The following SLC28A3 variants were observed in gnomAD, a reference collection of about 807,000 sequenced individuals.
SLC28A3 encodes the protein concentrative Na(+)-nucleoside cotransporter 3.
In SLC28A3, 68 loss-of-function variants were observed where a neutral mutation model predicts 84.2. The observed-to-expected ratio is 0.81, with a 90% CI of 0.66 to 0.99. The LOEUF is 0.99. Ranked by LOEUF, SLC28A3 falls within the 50% of genes least tolerant of loss-of-function variation. The pLI, the probability that SLC28A3 is intolerant of heterozygous loss-of-function variation, is 0.00. For synonymous variants in SLC28A3, 267 were observed against 303.6 expected (o/e 0.88, Z 1.25); for missense variants, 712 against 841.5 (o/e 0.85, Z 1.90).
rs12350413 is a variant in SLC28A3 at position 84,277,901 on chromosome 9, G to A, written c.*317C>T. 1.2e-5 allele frequency: 3 copies of A among 257,912 alleles called. No individual in the cohort carries two copies. Among genetic ancestry groups the A allele is most frequent in the Non-Finnish European group, 1.5e-5 (2 of 132,960 alleles). The allele number at this position is 257,912 out of a possible 1,614,324, so 16.0% of individuals were successfully genotyped here. A position where few individuals can be genotyped will look rare whatever the true frequency, so the allele number is the denominator to read the frequency against. The stretch of plus-strand genomic sequence containing the variant: ...GAGTCAGAGCCCAGTTGTTGGGAGC[G>A]GCCGTTTATAGCTGTATTCTGGTGA... On this transcript the variant is annotated 3_prime_UTR_variant, in exon 18 of 18. Transcript: ENST00000376238.
At chr9:84,292,878 G>T (rs370303329) in intron 9 of SLC28A3, 130 bp from the exon 10 acceptor site, 1 of 597,750 alleles carries the variant, frequency 1.7e-6, no homozygotes. Flanking sequence ...GCTAATGATG[G>T]AGCTAAAGGT....
At chr9:84,295,852 G>T (rs1358359452) in intron 8 of SLC28A3, among the ~76,000 whole-genome samples, 2 of 152,044 alleles carry the variant, frequency 1.3e-5, no homozygotes, top group Non-Finnish European at 2.9e-5. Flanking sequence ...ATTTGTACAG[G>T]ATCTAATTTA....
intron 8 of SLC28A3, among the ~76,000 whole-genome samples, chr9:84,296,863 A>G (rs546301771): frequency 6.6e-6 from 1 of 152,356 alleles, no homozygotes; most frequent in South Asian, 2.1e-4. Flanking sequence ...TCACTGCCAC[A>G]TGCCTACTTG....
At chr9:84,289,288 T>G (rs527892003) in intron 11 of SLC28A3, among the ~76,000 whole-genome samples, 1 of 152,332 alleles carries the variant, frequency 6.6e-6, no homozygotes, top group East Asian at 1.9e-4. Context: ...GATGAAGACC[T>G]ACAATGAAGC....
At chr9:84,356,446 T>G in the SLC28A3 span, among the ~76,000 whole-genome samples, 1,032 of 152,298 alleles carry the variant, frequency 6.8e-3, 11 homozygotes, top group African/African-American at 0.024. Flanking sequence ...AGTGTGACTA[T>G]CTGCTAAATC....
At chr9:84,290,929 GATGGGT>G (rs1178401741) in intron 10 of SLC28A3, among the ~76,000 whole-genome samples, 3 of 152,182 alleles carry the variant, frequency 2.0e-5, no homozygotes, top group Non-Finnish European at 4.4e-5. Flanking sequence ...ACCCCTCTCT[GATGGGT>G]GGAAAGGAAG....
In SLC28A3 at chr9:84,289,654, A is replaced by G. The variant is rs186844556; in HGVS notation, c.1149+500T>C. 2.0e-5 allele frequency among the ~76,000 whole-genome samples: 3 copies of G among 152,348 alleles called. No individual in the cohort carries two copies. The East Asian group carries it at 5.8e-4, about 29-fold the overall frequency. ...ACTGCTCTAGACCAGGGGTCAGAAA[A>G]GTTTTTCTGTAAAGGGCCAGAGAAT... On this transcript the variant is annotated intron_variant, in intron 11 of 17. Coordinates refer to ENST00000376238, the MANE Select transcript of SLC28A3 (RefSeq NM_001199633.2).
intron 7 of SLC28A3, 136 bp from the exon 8 acceptor site, chr9:84,297,434 T>C: frequency 1.5e-6 from 1 of 652,494 alleles, no homozygotes; most frequent in East Asian, 2.7e-5. Context: ...TGTTCTCAGC[T>C]TTGCCCCCTC....
At chr9:84,309,850 A>G (rs942851731) in intron 2 of SLC28A3, 136 bp from the exon 3 acceptor site, 1 of 676,080 alleles carries the variant, frequency 1.5e-6, no homozygotes, top group Non-Finnish European at 2.5e-6. Context: ...GATGGCTCCT[A>G]TTATCTACTG....
chr9:84,280,394 A>C (rs1184050088), intron 15 of SLC28A3, among the ~76,000 whole-genome samples: 1 of 152,186 alleles, frequency 6.6e-6, no homozygotes, highest in Non-Finnish European at 1.5e-5. Context: ...CAGGAGGCAT[A>C]GACTAAGGAG....
intron 1 of SLC28A3, among the ~76,000 whole-genome samples, chr9:84,336,317 C>T (rs1453136547): frequency 1.8e-4 from 27 of 148,976 alleles, no homozygotes; most frequent in African/African-American, 6.0e-4. Flanking sequence ...GCCTGACCAA[C>T]GTTGTGAAAC....
In SLC28A3 at chr9:84,297,401, G is replaced by T; in HGVS notation, c.784-103C>A. The T allele has an allele frequency of 5.9e-6, 5 of 850,940 alleles. No individual in the cohort carries two copies. In the South Asian group the frequency reaches 8.3e-5, roughly 14 times the overall value. 52.7% of individuals were successfully genotyped at this position (850,940 alleles called of 1,614,324 possible). On this transcript the variant is annotated intron_variant, in intron 7 of 17. Transcript: ENST00000376238. ...CTCAGAGGACGGACCCAGCAAATGT[G>T]TTGGATAGACTTGGAAAGTTAATGT...
intron 2 of SLC28A3, among the ~76,000 whole-genome samples, chr9:84,312,426 GGTTTTCCAAATTTTGCTACAATAA>G (rs1826020407): frequency 6.6e-6 from 1 of 151,066 alleles, no homozygotes; most frequent in Non-Finnish European, 1.5e-5. Context: ...AGCCTTTTTT[GGTTTTCCAAATTTTGCTACAATAA>G]GTTTTCCAAA....
At chr9:84,317,310 A>G (rs950226693) in intron 1 of SLC28A3, among the ~76,000 whole-genome samples, 1 of 152,188 alleles carries the variant, frequency 6.6e-6, no homozygotes, top group African/African-American at 2.4e-5. Flanking sequence ...ATATTAAAAG[A>G]CAAAGGTATA....
chr9:84,357,392 T>C, the SLC28A3 span, among the ~76,000 whole-genome samples: 1 of 151,968 alleles, frequency 6.6e-6, no homozygotes, highest in Non-Finnish European at 1.5e-5. Context: ...AGGACTGATG[T>C]AATAATGTGT....
chr9:84,280,783 A>T lies in SLC28A3; in HGVS notation c.1729+18T>A. ...CTATGGCACATCTGTGTTGTTGAAG[A>T]ATGTTCTTTTCACTTACTGAGTCCG... On this transcript the variant is annotated intron_variant, in intron 15 of 17. Coordinates refer to ENST00000376238, the MANE Select transcript of SLC28A3 (RefSeq NM_001199633.2). 1 of 1,612,872 alleles carries T rather than the reference A, an allele frequency of 6.2e-7. No homozygotes were observed. Among genetic ancestry groups the T allele is most frequent in the South Asian group, 1.1e-5 (1 of 90,974 alleles).
chr9:84,285,360 C>A lies in SLC28A3; in HGVS notation c.1632G>T (p.Val544=). 6.2e-7 allele frequency: 1 copy of A among 1,614,062 alleles called. No homozygotes were observed. The highest frequency in any genetic ancestry group is 8.5e-7 in the Non-Finnish European group (1 of 1,179,970). The part of the protein sequence containing the change: ...KEGGPKFVNG[V]QQYISIRSEI... ...ATTTACTCACTGATATATATTGCTG[C>A]ACACCGTTTACAAATTTGGGTCCAC... Residue 544 remains valine (V), a synonymous_variant, in exon 14 of 18, where the codon GTG becomes GTT. Coordinates refer to ENST00000376238, the MANE Select transcript of SLC28A3 (RefSeq NM_001199633.2).
At chr9:84,308,514 C>G (rs1021793255) in intron 3 of SLC28A3, among the ~76,000 whole-genome samples, 2 of 151,896 alleles carry the variant, frequency 1.3e-5, no homozygotes, top group African/African-American at 4.8e-5. Flanking sequence ...CCACTGCACT[C>G]CAGCCTGGGC....
chr9:84,314,341 CTT>C (rs941011992), intron 1 of SLC28A3, among the ~76,000 whole-genome samples: 1 of 152,130 alleles, frequency 6.6e-6, no homozygotes, highest in African/African-American at 2.4e-5. Flanking sequence ...TCTCCTGTCT[CTT>C]TTATCTTTTT....
Sources: gnomAD v4.1 joint callset for allele counts (sites outside exome capture counted in the v4.1 genomes callset) on GRCh38, gnomAD v4.1.1 for gene constraint, MANE v1.5 for transcripts, NCBI Gene and HGNC (gene_info 2026-07-23, HGNC 2026-07-21) for gene names.